The following AGBL1 variants were observed in gnomAD, a reference collection of about 807,000 sequenced individuals.
AGBL1 encodes cytosolic carboxypeptidase 4.
Under a neutral mutation model 118.9 loss-of-function variants are expected in AGBL1, and 130 were observed. The ratio of observed to expected loss-of-function variants is 1.09; its 90% confidence interval spans 0.95 to 1.26. The LOEUF is 1.26. Among genes scored for constraint, AGBL1 ranks in the 50% most tolerant of loss-of-function variants. The pLI, the probability that AGBL1 is intolerant of heterozygous loss-of-function variation, is 0.00. For missense variants in AGBL1, 1,584 were observed against 1,298.1 expected (o/e 1.22, Z -3.38); for synonymous variants, 555 against 478.9 (o/e 1.16, Z -2.08).
chr15:86,899,431 G>A (rs997742034), intron 22 of AGBL1, among the ~76,000 whole-genome samples: 6 of 152,056 alleles, frequency 3.9e-5, no homozygotes, highest in Non-Finnish European at 2.9e-5. Flanking sequence ...GAACTATTGG[G>A]TACTGGCTTA....
chr15:86,752,965 A>G (rs887228318), intron 22 of AGBL1, among the ~76,000 whole-genome samples: 21 of 152,076 alleles, frequency 1.4e-4, no homozygotes, highest in African/African-American at 4.8e-4. Context: ...CAGTCAATTT[A>G]TCTTTCCTTG....
At chr15:86,139,720 A>G (rs1478622165) in intron 1 of AGBL1, 2 of 152,602 alleles carry the variant, frequency 1.3e-5, no homozygotes, top group African/African-American at 4.8e-5. Flanking sequence ...TTGTTCATCA[A>G]TTAATTTACA....
chr15:86,767,242 C>T (rs985101502), intron 22 of AGBL1, among the ~76,000 whole-genome samples: 6 of 151,978 alleles, frequency 3.9e-5, no homozygotes, highest in East Asian at 3.9e-4. Flanking sequence ...ACTTAACCTC[C>T]GGTCATCACT....
intron 22 of AGBL1, among the ~76,000 whole-genome samples, chr15:86,874,277 ACAGT>A (rs922002454): frequency 2.0e-5 from 3 of 152,096 alleles, no homozygotes; most frequent in Non-Finnish European, 2.9e-5. Context: ...AACTATCTAG[ACAGT>A]CAGATTTTTA....
intron 22 of AGBL1, among the ~76,000 whole-genome samples, chr15:86,903,361 T>C (rs1371875759): frequency 6.6e-6 from 1 of 152,216 alleles, no homozygotes; most frequent in African/African-American, 2.4e-5. Context: ...TTCTTCTTTA[T>C]TTTCCCTACC....
intron 16 of AGBL1, among the ~76,000 whole-genome samples, chr15:86,287,778 G>C (rs75827756): frequency 1.3e-5 from 2 of 152,088 alleles, no homozygotes; most frequent in Non-Finnish European, 2.9e-5. Context: ...TGAGCTCATA[G>C]AAATAATTCA....
intron 1 of AGBL1, among the ~76,000 whole-genome samples, chr15:86,137,693 C>A (rs368579890): frequency 1.3e-5 from 2 of 152,152 alleles, no homozygotes; most frequent in Admixed American, 1.3e-4. Flanking sequence ...ATATCCTCCT[C>A]TAAACCAACC....
chr15:86,454,800 G>C (rs1466124575), intron 18 of AGBL1, among the ~76,000 whole-genome samples: 1 of 152,204 alleles, frequency 6.6e-6, no homozygotes, highest in East Asian at 1.9e-4. Context: ...TATCTTGACT[G>C]TGAGAGTGAT....
chr15:86,208,959 A>G (rs191855071), intron 5 of AGBL1, among the ~76,000 whole-genome samples: 3 of 152,332 alleles, frequency 2.0e-5, no homozygotes, highest in Non-Finnish European at 2.9e-5. Flanking sequence ...ATTTAGTGCT[A>G]CAAATTTCCC....
chr15:86,923,807 T>C (rs899441755), intron 23 of AGBL1, among the ~76,000 whole-genome samples: 3 of 152,196 alleles, frequency 2.0e-5, no homozygotes, highest in African/African-American at 7.2e-5. Context: ...TTATATGAAC[T>C]ACCTAATTGA....
chr15:86,617,595 C>A (rs191558883), intron 21 of AGBL1, among the ~76,000 whole-genome samples: 1 of 151,994 alleles, frequency 6.6e-6, no homozygotes, highest in Non-Finnish European at 1.5e-5. Flanking sequence ...ATGGTATTGT[C>A]AAAACTGTGA....
At chr15:86,957,358 A>C (rs972592254) in intron 23 of AGBL1, among the ~76,000 whole-genome samples, 1 of 152,100 alleles carries the variant, frequency 6.6e-6, no homozygotes, top group Non-Finnish European at 1.5e-5. Context: ...AGAAGAAAAA[A>C]TTTCAATAAA....
At chr15:86,929,338 A>G (rs979275104) in intron 23 of AGBL1, among the ~76,000 whole-genome samples, 78 of 152,210 alleles carry the variant, frequency 5.1e-4, no homozygotes, top group Non-Finnish European at 9.6e-4. Flanking sequence ...CAAAAAGACT[A>G]TCAACATGAT....
chr15:86,843,770 G>T (rs751319725), intron 22 of AGBL1, among the ~76,000 whole-genome samples: 41 of 152,060 alleles, frequency 2.7e-4, no homozygotes, highest in African/African-American at 9.4e-4. Context: ...TCCATCCAAG[G>T]TAAGCGTAAG....
At chr15:87,012,315 T>C (rs2081569404) in intron 24 of AGBL1, among the ~76,000 whole-genome samples, 1 of 150,110 alleles carries the variant, frequency 6.7e-6, no homozygotes, top group Non-Finnish European at 1.5e-5. Flanking sequence ...AATTCCTTGA[T>C]TTTTCTCATT....
chr15:86,729,418 C>T (rs2077499653), intron 22 of AGBL1, among the ~76,000 whole-genome samples: 1 of 152,090 alleles, frequency 6.6e-6, no homozygotes, highest in Non-Finnish European at 1.5e-5. Flanking sequence ...GGTAGTTTTT[C>T]AACCTACCCT....
intron 1 of AGBL1, among the ~76,000 whole-genome samples, chr15:86,123,252 C>T (rs1898200464): frequency 2.6e-5 from 4 of 151,884 alleles, no homozygotes; most frequent in Non-Finnish European, 5.9e-5. Context: ...TTGTTGTTGT[C>T]GTTTTGAGAC....
At position 87,011,526 on chromosome 15, in the gene AGBL1, T is replaced by G. The variant is rs1011798211; in HGVS notation, c.3324-17299T>G. ...GTAATTCTGTATGTCACCAAAATAT[T>G]CCCCTTGTATTCCTTTCAGTGGTCA... On this transcript the variant is annotated intron_variant, in intron 24 of 24. Transcript: ENST00000441037. 3.3e-5 allele frequency among the ~76,000 whole-genome samples: 5 copies of G among 152,206 alleles called. No homozygotes were observed. In the South Asian group the frequency reaches 1.0e-3, roughly 31 times the overall value.
chr15:86,851,587 C>A (rs2079407643), intron 22 of AGBL1, among the ~76,000 whole-genome samples: 1 of 152,160 alleles, frequency 6.6e-6, no homozygotes, highest in African/African-American at 2.4e-5. Context: ...CCAATAAAAT[C>A]TGCAAAGATT....
Sources: allele counts gnomAD v4.1 joint callset (sites outside exome capture counted in the v4.1 genomes callset), GRCh38; gene constraint gnomAD v4.1.1; transcripts MANE v1.5; gene names NCBI Gene and HGNC (gene_info 2026-07-23, HGNC 2026-07-21).